AMPH: variants seen among roughly 807,000 people sequenced by gnomAD.
AMPH encodes the protein amphiphysin (Stiff-Mann syndrome with breast cancer 128kD autoantigen).
Under a neutral mutation model 99.1 loss-of-function variants are expected in AMPH, and 49 were observed. That is an observed-to-expected ratio of 0.49 (90% CI 0.39 to 0.63). The LOEUF is 0.63. Ranked by LOEUF, AMPH falls within the 20% of genes least tolerant of loss-of-function variation. The probability of loss-of-function intolerance (pLI) is 0.00; values close to 1 mark genes in which losing one functional copy is unlikely to be tolerated. For synonymous variants in AMPH, 314 were observed against 317.3 expected (o/e 0.99, Z 0.11); for missense variants, 759 against 863.4 (o/e 0.88, Z 1.52).
At chr7:38,477,848 T>C (rs928428843) in intron 5 of AMPH, among the ~76,000 whole-genome samples, 2 of 152,028 alleles carry the variant, frequency 1.3e-5, no homozygotes, top group Non-Finnish European at 2.9e-5. Flanking sequence ...TGGAGAGCCT[T>C]CTGACCTCTA....
intron 17 of AMPH, among the ~76,000 whole-genome samples, chr7:38,408,795 A>G (rs1295248113): frequency 2.0e-5 from 3 of 150,428 alleles, no homozygotes; most frequent in South Asian, 2.1e-4. Context: ...ACTTTTGCCT[A>G]CTTTATTATT....
chr7:38,536,761 A>G (rs1268005496), intron 1 of AMPH, among the ~76,000 whole-genome samples: 1 of 152,140 alleles, frequency 6.6e-6, no homozygotes, highest in Non-Finnish European at 1.5e-5. Context: ...TTAAAAGGAC[A>G]CATAATCACT....
intron 1 of AMPH, among the ~76,000 whole-genome samples, chr7:38,571,669 A>G (rs559091665): frequency 2.2e-5 from 3 of 136,898 alleles, no homozygotes; most frequent in Non-Finnish European, 5.0e-5. Flanking sequence ...GTTATTACAA[A>G]AAACCTCTAA....
chr7:38,447,625 T>A (rs2129001733), intron 11 of AMPH, among the ~76,000 whole-genome samples: 1 of 152,230 alleles, frequency 6.6e-6, no homozygotes. Flanking sequence ...ACACATTTTC[T>A]GAGGATCTTA....
At chr7:38,617,245 G>A (rs934867286) in intron 1 of AMPH, among the ~76,000 whole-genome samples, 3 of 152,316 alleles carry the variant, frequency 2.0e-5, no homozygotes, top group East Asian at 1.9e-4. Context: ...TCTAATGTAC[G>A]TTGGAAATAA....
At position 38,411,254 on chromosome 7, in the gene AMPH, A is replaced by T. The variant is rs548760391; in HGVS notation, c.1398+6571T>A. On this transcript the variant is annotated intron_variant, in intron 17 of 20. Transcript: ENST00000356264. ...CATGACAATGCTACTGCTCCCTAGT[A>T]TCTCTTATCACAGTATGGCCTTCTT... is the stretch of plus-strand genomic sequence containing the variant. 2.2e-4 allele frequency among the ~76,000 whole-genome samples: 34 copies of T among 152,304 alleles called. 1 individual carries two copies. Among genetic ancestry groups the T allele is most frequent in the Non-Finnish European group, 8.8e-5 (6 of 68,024 alleles).
At chr7:38,562,241 C>A (rs190880841) in intron 1 of AMPH, among the ~76,000 whole-genome samples, 1 of 152,272 alleles carries the variant, frequency 6.6e-6, no homozygotes, top group East Asian at 1.9e-4. Flanking sequence ...CACATTGACA[C>A]TTTCTATTCT....
intron 1 of AMPH, among the ~76,000 whole-genome samples, chr7:38,616,108 C>T (rs1318890809): frequency 1.3e-5 from 2 of 151,582 alleles, no homozygotes; most frequent in Non-Finnish European, 2.9e-5. Flanking sequence ...AATCCTTCCC[C>T]CAATCATCTA....
In AMPH at chr7:38,436,009, A is replaced by C. The variant is rs975011894; in HGVS notation, c.1134+263T>G. On this transcript the variant is annotated intron_variant, in intron 12 of 20. Coordinates refer to ENST00000356264, the MANE Select transcript of AMPH (RefSeq NM_001635.4). ...GAACAGTTCTGAGTGCAACGTGGGCACTGGTAACAATTACTCTGGGGGAGA... is the reference window on the plus strand; with the variant it reads ...GAACAGTTCTGAGTGCAACGTGGGCCCTGGTAACAATTACTCTGGGGGAGA... Among the ~76,000 whole-genome samples the C allele has an allele frequency of 5.3e-5, 8 of 152,334 alleles. No individual in the cohort carries two copies. In the East Asian group the frequency reaches 1.3e-3, roughly 26 times the overall value.
chr7:38,581,374 C>T (rs10278207), intron 1 of AMPH, among the ~76,000 whole-genome samples: 20,647 of 152,000 alleles, frequency 0.14, 1,895 homozygotes, highest in Admixed American at 0.25. Flanking sequence ...TAAATGGGGA[C>T]GGGCACTCTA....
chr7:38,461,090 A>T (rs1787422572), intron 11 of AMPH, among the ~76,000 whole-genome samples, 193 bp downstream of exon 11: 1 of 152,234 alleles, frequency 6.6e-6, no homozygotes, highest in African/African-American at 2.4e-5. Context: ...AATTAAAAAA[A>T]AGATAATTTT....
In AMPH at chr7:38,394,037, C is replaced by T; in HGVS notation, c.1576G>A (p.Glu526Lys). Residue 526 changes from glutamate (E) to lysine (K), a missense_variant, in exon 18 of 21, where the codon GAA (glutamate) becomes AAA (lysine). Coordinates refer to ENST00000356264, the MANE Select transcript of AMPH (RefSeq NM_001635.4). ...TTEGAESAQP[E>K]AEELEATVPQ... is the part of the protein sequence containing the mutation. ...ACTGTTGCTTCGAGCTCCTCTGCTT[C>T]AGGTTGGGCACTCTCTGCACCCTCA... 1 of 1,614,246 alleles carries T rather than the reference C, an allele frequency of 6.2e-7. No individual in the cohort carries two copies. The highest frequency in any genetic ancestry group is 1.1e-5 in the South Asian group (1 of 91,088).
chr7:38,542,558 G>C (rs1168201374), intron 1 of AMPH, among the ~76,000 whole-genome samples: 2 of 152,182 alleles, frequency 1.3e-5, no homozygotes, highest in East Asian at 3.9e-4. Flanking sequence ...ACAAAAGCCA[G>C]AGAGGGTTCT....
Position 38,540,960 on chromosome 7 carries a change from C to G in AMPH, c.70-5949G>C, listed in dbSNP as rs76614280. On this transcript the variant is annotated intron_variant, in intron 1 of 20. Coordinates refer to ENST00000356264, the MANE Select transcript of AMPH (RefSeq NM_001635.4). ...TCTAAAAGTCAAGAATAAAATCACA[C>G]AATTTAATTAGTCTTCTTTAACAAG... Among the ~76,000 whole-genome samples, 249 of 138,150 alleles carry G rather than the reference C, an allele frequency of 1.8e-3. 1 individual carries two copies. The highest frequency in any genetic ancestry group is 6.4e-3 in the African/African-American group (239 of 37,212). The allele number at this position is 138,150 out of a possible 152,430, so 90.6% of individuals were successfully genotyped here.
At chr7:38,471,988 G>A (rs1787904438) in intron 7 of AMPH, among the ~76,000 whole-genome samples, 1 of 152,044 alleles carries the variant, frequency 6.6e-6, no homozygotes, top group African/African-American at 2.4e-5. Context: ...AGCAAAAGCT[G>A]ACAGAAATGA....
intron 18 of AMPH, among the ~76,000 whole-genome samples, chr7:38,392,281 G>A (rs1001878834): frequency 2.0e-5 from 3 of 151,840 alleles, no homozygotes; most frequent in African/African-American, 7.3e-5. Context: ...GTGGGAATTG[G>A]GAGGAGGGAT....
chr7:38,384,496 T>TG lies in AMPH; in HGVS notation c.*321dup, dbSNP rs1784297526. The TG allele has an allele frequency of 4.1e-6, 1 of 245,238 alleles. No individual in the cohort carries two copies. The highest frequency in any genetic ancestry group is 2.2e-5 in the African/African-American group (1 of 46,062). The allele number at this position is 245,238 out of a possible 1,614,324, so 15.2% of individuals were successfully genotyped here. A position where few individuals can be genotyped will look rare whatever the true frequency, so the allele number is the denominator to read the frequency against. ...CAGCCACTCAATACGATACACCTGA[T>TG]GCAGAGAAATTAAAGTCTGATCTGG... On this transcript the variant is annotated 3_prime_UTR_variant, in exon 21 of 21. Coordinates refer to ENST00000356264, the MANE Select transcript of AMPH (RefSeq NM_001635.4).
intron 1 of AMPH, among the ~76,000 whole-genome samples, chr7:38,607,852 T>G (rs1793487754): frequency 6.6e-6 from 1 of 152,226 alleles, no homozygotes; most frequent in Non-Finnish European, 1.5e-5. Flanking sequence ...GATGTTAAAC[T>G]CCATTTACAA....
intron 1 of AMPH, among the ~76,000 whole-genome samples, chr7:38,567,385 T>G (rs1474150173): frequency 6.6e-6 from 1 of 152,028 alleles, no homozygotes; most frequent in Non-Finnish European, 1.5e-5. Context: ...GCAGGGCCTG[T>G]CAGGGGTTGG....
Sources: gnomAD v4.1 joint callset for allele counts (sites outside exome capture counted in the v4.1 genomes callset) on GRCh38, gnomAD v4.1.1 for gene constraint, MANE v1.5 for transcripts, NCBI Gene and HGNC (gene_info 2026-07-23, HGNC 2026-07-21) for gene names.